The following RBP2 variants were observed in gnomAD, a reference collection of about 807,000 sequenced individuals.
RBP2 encodes the protein retinol binding protein 2.
In RBP2, 17 loss-of-function variants were observed where a neutral mutation model predicts 17.0. That is an observed-to-expected ratio of 1.00 (90% CI 0.68 to 1.50). The LOEUF is 1.50. Among genes scored for constraint, RBP2 ranks in the 40% most tolerant of loss-of-function variants. The pLI is 0.00. For synonymous variants in RBP2, 48 were observed against 57.1 expected (o/e 0.84, Z 0.72); for missense variants, 158 against 168.2 (o/e 0.94, Z 0.33).
At chr3:139,466,047 T>C (rs985582556) in intron 1 of RBP2, among the ~76,000 whole-genome samples, 21 of 151,950 alleles carry the variant, frequency 1.4e-4, no homozygotes, top group African/African-American at 5.1e-4. Flanking sequence ...GGATGTTTGG[T>C]GGTCAAAAAA....
intron 1 of RBP2, among the ~76,000 whole-genome samples, chr3:139,469,553 A>G (rs901421158): frequency 4.6e-5 from 7 of 152,124 alleles, no homozygotes; most frequent in Non-Finnish European, 1.0e-4. Flanking sequence ...ACCAGGTACC[A>G]TATGGTTCAA....
At chr3:139,468,924 A>G (rs1051207691) in intron 1 of RBP2, among the ~76,000 whole-genome samples, 21 of 152,200 alleles carry the variant, frequency 1.4e-4, no homozygotes, top group East Asian at 3.8e-4. Context: ...AAAAAAAACA[A>G]CACGGACCTG....
At chr3:139,453,945 A>G (rs1943353447) in intron 3 of RBP2, among the ~76,000 whole-genome samples, 1 of 152,216 alleles carries the variant, frequency 6.6e-6, no homozygotes, top group Non-Finnish European at 1.5e-5. Flanking sequence ...CAAAATAAAG[A>G]TCTCAGGTGA....
At chr3:139,466,161 C>G (rs1435913316) in intron 1 of RBP2, among the ~76,000 whole-genome samples, 1 of 152,144 alleles carries the variant, frequency 6.6e-6, no homozygotes, top group Non-Finnish European at 1.5e-5. Context: ...GGGAAAGGTG[C>G]TTTGTAGCTC....
chr3:139,467,172 G>C (rs1933394865), intron 1 of RBP2, among the ~76,000 whole-genome samples: 1 of 152,200 alleles, frequency 6.6e-6, no homozygotes, highest in Admixed American at 6.5e-5. Flanking sequence ...CTATGGATTA[G>C]CTAATGGAGG....
At chr3:139,457,771 T>C (rs1045900394) in intron 2 of RBP2, among the ~76,000 whole-genome samples, 35 of 152,210 alleles carry the variant, frequency 2.3e-4, no homozygotes, top group Non-Finnish European at 1.2e-4. Flanking sequence ...AGGAAAGCCC[T>C]TCTTTCTCAG....
At chr3:139,454,950 C>T in intron 2 of RBP2, 120 bp from the exon 3 acceptor site, 3 of 936,200 alleles carry the variant, frequency 3.2e-6, no homozygotes, top group Non-Finnish European at 5.1e-6. Context: ...AGGGCAGAGC[C>T]CTCAGCCTCA....
chr3:139,467,879 T>C (rs1190787684), intron 1 of RBP2, among the ~76,000 whole-genome samples: 1 of 152,158 alleles, frequency 6.6e-6, no homozygotes, highest in Non-Finnish European at 1.5e-5. Context: ...GTCTGTCCCA[T>C]AGGCATTTTA....
chr3:139,458,130 T>C (rs1933041384), intron 2 of RBP2, among the ~76,000 whole-genome samples: 1 of 151,746 alleles, frequency 6.6e-6, no homozygotes, highest in South Asian at 2.1e-4. Flanking sequence ...TGGTAAAGAG[T>C]GTACAGGTGT....
intron 1 of RBP2, among the ~76,000 whole-genome samples, chr3:139,465,943 TG>T (rs1933346004): frequency 6.6e-6 from 1 of 152,170 alleles, no homozygotes; most frequent in Admixed American, 6.5e-5. Context: ...GTCTCTCGGC[TG>T]CCTTTGGTTC....
intron 1 of RBP2, among the ~76,000 whole-genome samples, chr3:139,473,219 C>A (rs781499486): frequency 6.6e-6 from 1 of 151,362 alleles, no homozygotes; most frequent in South Asian, 2.1e-4. Context: ...TACCACTGAC[C>A]CTTGGCTCAC....
rs550741136 is a variant in RBP2, at chr3:139,459,823, G to GGT, written c.252+2287_252+2288dup. Among the ~76,000 whole-genome samples, 662 of 136,232 alleles carry GGT rather than the reference G, an allele frequency of 4.9e-3. 7 individuals carry two copies. The highest frequency in any genetic ancestry group is 0.019 in the African/African-American group (643 of 33,442). The allele number at this position is 136,232 out of a possible 152,430, so 89.4% of individuals were successfully genotyped here. A position where few individuals can be genotyped will look rare whatever the true frequency, so the allele number is the denominator to read the frequency against. On this transcript the variant is annotated intron_variant, in intron 2 of 3. Transcript: ENST00000232217. ...TGGGTACTTCTCACTCCCTACTAAG[G>GGT]GTGTGTGTGAGTGTGTGTGTGTGTG...
chr3:139,461,995 TC>T lies in RBP2; in HGVS notation c.252+116del, dbSNP rs1933205593. The T allele has an allele frequency of 4.6e-6, 5 of 1,075,472 alleles. No homozygotes were observed. The East Asian group carries it at 1.2e-4, about 26-fold the overall frequency. The allele number at this position is 1,075,472 out of a possible 1,614,324, so 66.6% of individuals were successfully genotyped here. A position where few individuals can be genotyped will look rare whatever the true frequency, so the allele number is the denominator to read the frequency against. On this transcript the variant is annotated intron_variant, in intron 2 of 3. Coordinates refer to ENST00000232217, the MANE Select transcript of RBP2 (RefSeq NM_004164.3). ...GCCAGCATGATTAAGGCCATCCTGG[TC>T]CTCCTTTCCTGATTTTTCCCAGGTT...
At chr3:139,476,259 G>T in intron 1 of RBP2, 128 bp downstream of exon 1, 1 of 678,838 alleles carries the variant, frequency 1.5e-6, no homozygotes. Flanking sequence ...GCCTAATATT[G>T]CACAGCTGTA....
intron 1 of RBP2, among the ~76,000 whole-genome samples, chr3:139,469,687 G>GTCTGTCTATCTATCTATCTA (rs1432677359): frequency 1.5e-3 from 199 of 132,972 alleles, no homozygotes; most frequent in Middle Eastern, 3.6e-3. Flanking sequence ...CTGTCTGTCT[G>GTCTGTCTATCTATCTATCTA]TCTATCTATC....
At chr3:139,458,094 G>A (rs145012108) in intron 2 of RBP2, among the ~76,000 whole-genome samples, 157 of 152,282 alleles carry the variant, frequency 1.0e-3, no homozygotes, top group Non-Finnish European at 1.8e-3. Flanking sequence ...ACATGACAAA[G>A]CAAAGGGGCA....
intron 2 of RBP2, among the ~76,000 whole-genome samples, chr3:139,461,819 C>T (rs1309405179): frequency 1.3e-5 from 2 of 152,166 alleles, no homozygotes; most frequent in Non-Finnish European, 2.9e-5. Flanking sequence ...CTGTCCCTCC[C>T]TGTGATGTTC....
intron 1 of RBP2, among the ~76,000 whole-genome samples, chr3:139,467,428 C>G (rs1278795572): frequency 6.6e-6 from 1 of 152,156 alleles, no homozygotes; most frequent in Non-Finnish European, 1.5e-5. Context: ...TACAAGTCTT[C>G]CAAGTGATCA....
rs1235644272 is a variant in RBP2 at position 139,468,079 on chromosome 3, AG to A, written c.74-5790del. On this transcript the variant is annotated intron_variant, in intron 1 of 3. Transcript: ENST00000232217. ...CATAGGTCATCTGTTAACCATAACC[AG>A]AAGAAACAGGGGAAGGCTCTAGGTA... 2.0e-5 allele frequency among the ~76,000 whole-genome samples: 3 copies of A among 152,242 alleles called. No homozygotes were observed. In the East Asian group the frequency reaches 5.8e-4, roughly 29 times the overall value.
Sources: gnomAD v4.1 joint callset for allele counts (sites outside exome capture counted in the v4.1 genomes callset) on GRCh38, gnomAD v4.1.1 for gene constraint, MANE v1.5 for transcripts, NCBI Gene and HGNC (gene_info 2026-07-23, HGNC 2026-07-21) for gene names.